Variants in CSRNP2 observed in about 807,000 individuals in gnomAD.
CSRNP2 encodes cysteine/serine-rich nuclear protein 2.
CSRNP2 carries 11 observed loss-of-function variants against 36.6 expected under a neutral mutation model. The ratio of observed to expected loss-of-function variants is 0.30; its 90% CI spans 0.19 to 0.50. The LOEUF is 0.50. CSRNP2 is among the 20% of genes least tolerant of loss of function. The pLI is 0.98. For synonymous variants in CSRNP2, 248 were observed against 275.3 expected, an observed-to-expected ratio of 0.90 and a Z score of 0.98; for missense variants, 483 against 691.4, an observed-to-expected ratio of 0.70 and a Z score of 3.38.
At chr12:51,065,795 G>T (rs955771883) in intron 4 of CSRNP2, among the ~76,000 whole-genome samples, 7 of 152,158 alleles carry the variant, frequency 4.6e-5, no homozygotes, top group African/African-American at 1.4e-4. Flanking sequence ...TCAGGTGTGT[G>T]TGTAACAGAA....
intron 3 of CSRNP2, among the ~76,000 whole-genome samples, chr12:51,069,153 T>G (rs1938761745): frequency 6.6e-6 from 1 of 151,876 alleles, no homozygotes; most frequent in Non-Finnish European, 1.5e-5. Context: ...CTTTTTGTAT[T>G]TTTAGTAGAC....
At chr12:51,069,280 CTCCTT>C (rs1384364102) in intron 3 of CSRNP2, among the ~76,000 whole-genome samples, 11 of 146,634 alleles carry the variant, frequency 7.5e-5, no homozygotes, top group Admixed American at 2.1e-4. Flanking sequence ...CGGCTTCCTT[CTCCTT>C]TCTTTTTTTT....
rs1937894873 is a variant in CSRNP2 at position 51,064,439 on chromosome 12, G to T, written c.939C>A (p.Phe313Leu). The change falls in exon 5 of 5, where the codon TTC (phenylalanine) becomes TTA (leucine). Residue 313 changes from phenylalanine to leucine, a missense_variant. Physicochemically the swap from Phe to Leu is conservative, Grantham distance 22. Coordinates refer to ENST00000228515, the MANE Select transcript of CSRNP2 (RefSeq NM_030809.3). ...TGAQGSETQD[F>L]QEFIAENETA... The stretch of plus-strand genomic sequence containing the variant: ...TCTCATTCTCAGCAATGAACTCCTG[G>T]AAGTCCTGGGTCTCAGAGCCCTGTG... 6.2e-7 allele frequency: 1 copy of T among 1,611,184 alleles called. No individual in the cohort carries two copies. The highest frequency in any genetic ancestry group is 8.5e-7 in the Non-Finnish European group (1 of 1,178,172).
chr12:51,068,312 G>T (rs1326936559), intron 3 of CSRNP2, among the ~76,000 whole-genome samples: 1 of 152,044 alleles, frequency 6.6e-6, no homozygotes, highest in Non-Finnish European at 1.5e-5. Context: ...TCACCAGCCT[G>T]GCTAATTTTT....
At chr12:51,081,940 GTC>G (rs1408878126) in intron 1 of CSRNP2, among the ~76,000 whole-genome samples, 1 of 152,108 alleles carries the variant, frequency 6.6e-6, no homozygotes, top group Admixed American at 6.5e-5. Context: ...GGTAATATAA[GTC>G]TCTTTCTTAA....
intron 2 of CSRNP2, among the ~76,000 whole-genome samples, chr12:51,075,759 G>C (rs1939371404): frequency 6.6e-6 from 1 of 152,150 alleles, no homozygotes. Flanking sequence ...TAAGAATTAA[G>C]AAAGCTTGGC....
In CSRNP2 at chr12:51,063,809, G is replaced by C; in HGVS notation, c.1569C>G (p.Thr523=). The change falls in exon 5 of 5, where the codon ACC becomes ACG. Residue 523 remains threonine, a synonymous_variant. Coordinates refer to ENST00000228515, the MANE Select transcript of CSRNP2 (RefSeq NM_030809.3). ...GGGGCCGATCCTCATTCTGCTGGGA[G>C]GTCTTCACCATCCCACAGCCCTCTT... The part of the protein sequence containing the change: ...DNEEGCGMVK[T]SQQNEDRPPE... 6.2e-7 allele frequency: 1 copy of C among 1,608,844 alleles called. No homozygotes were observed. The highest frequency in any genetic ancestry group is 8.5e-7 in the Non-Finnish European group (1 of 1,177,376).
At chr12:51,069,719 G>A (rs1938884177) in intron 3 of CSRNP2, among the ~76,000 whole-genome samples, 1 of 140,598 alleles carries the variant, frequency 7.1e-6, no homozygotes, top group Non-Finnish European at 1.5e-5. Flanking sequence ...TTGAGACTGA[G>A]TCTCACTCTG....
In CSRNP2 at chr12:51,061,851, ATTC is replaced by A. The variant is rs1366203899; in HGVS notation, c.*1892_*1894del. On this transcript the variant is annotated 3_prime_UTR_variant, in exon 5 of 5. Transcript: ENST00000228515. ...CCTTCCGACACAAACTTTGAAAAAG[ATTC>A]TTTTCTCCATAAAGCCAAATTCCCA... 1 of 152,184 alleles carries A rather than the reference ATTC, an allele frequency of 6.6e-6. No homozygotes were observed. The highest frequency in any genetic ancestry group is 1.5e-5 in the Non-Finnish European group (1 of 68,046). 9.4% of individuals were successfully genotyped at this position (152,184 alleles called of 1,614,324 possible).
intron 2 of CSRNP2, among the ~76,000 whole-genome samples, chr12:51,074,804 T>G (rs1939326188): frequency 6.6e-6 from 1 of 152,078 alleles, no homozygotes; most frequent in Non-Finnish European, 1.5e-5. Context: ...TGGTGGCTCA[T>G]GCCTGTAATC....
At chr12:51,064,696 A>G in intron 4 of CSRNP2, 27 bp from the exon 5 acceptor site, 2 of 1,496,058 alleles carry the variant, frequency 1.3e-6, no homozygotes, top group Non-Finnish European at 1.8e-6. Context: ...AGGTTGGGGC[A>G]AGATGAGACC....
chr12:51,075,910 C>T (rs1039255547), intron 2 of CSRNP2, among the ~76,000 whole-genome samples: 1 of 152,070 alleles, frequency 6.6e-6, no homozygotes, highest in Non-Finnish European at 1.5e-5. Flanking sequence ...ATTAGGCGGG[C>T]GTGGTGGCAG....
In CSRNP2 at chr12:51,076,632, C is replaced by T. The variant is rs550930430; in HGVS notation, c.-71G>A. On this transcript the variant is annotated 5_prime_UTR_variant, in exon 2 of 5. Transcript: ENST00000228515. ...AAGCCCCTACTCACCACCAGCTAGC[C>T]AGGTACATTAGGATTCTGCCCAGGG... The T allele has an allele frequency of 4.5e-6, 7 of 1,569,416 alleles. No individual in the cohort carries two copies. Among genetic ancestry groups the T allele is most frequent in the South Asian group, 1.1e-5 (1 of 89,206 alleles).
rs12317980 is a variant in CSRNP2, at chr12:51,063,719, G to A, written c.*27C>T. 2,131 of 1,481,882 alleles carry A rather than the reference G, an allele frequency of 1.4e-3. 19 individuals are homozygous for A. In the African/African-American group the frequency reaches 0.026, roughly 18 times the overall value. The allele number at this position is 1,481,882 out of a possible 1,614,324, so 91.8% of individuals were successfully genotyped here. On this transcript the variant is annotated 3_prime_UTR_variant, in exon 5 of 5. Transcript: ENST00000228515. ...AAAATAAGGGAATAAATAGAGAATG[G>A]GTAAGAGGCAGGACCTCTAGCGCCT...
chr12:51,070,457 C>CT (rs1159863756), intron 3 of CSRNP2, among the ~76,000 whole-genome samples: 1 of 152,134 alleles, frequency 6.6e-6, no homozygotes, highest in Non-Finnish European at 1.5e-5. Flanking sequence ...AGCATACCCC[C>CT]TCCTGCTGTC....
Position 51,067,611 on chromosome 12 carries a change from A to G in CSRNP2, c.708+62T>C. ...GAATGGGCCTCCCATGTTCAGTGGC[A>G]CCCACACCTCACCCCGCTGACCCTG... On this transcript the variant is annotated intron_variant, in intron 4 of 4. Coordinates refer to ENST00000228515, the MANE Select transcript of CSRNP2 (RefSeq NM_030809.3). The surrounding 1 kb of genome is among the most constrained non-coding windows in gnomAD (Gnocchi z 4.1). 6.5e-7 allele frequency: 1 copy of G among 1,527,372 alleles called. No individual in the cohort carries two copies. The highest frequency in any genetic ancestry group is 8.9e-7 in the Non-Finnish European group (1 of 1,117,614). The allele number at this position is 1,527,372 out of a possible 1,614,324, so 94.6% of individuals were successfully genotyped here. A position where few individuals can be genotyped will look rare whatever the true frequency, so the allele number is the denominator to read the frequency against.
chr12:51,074,209 C>G (rs1939299214), intron 2 of CSRNP2, 127 bp from the exon 3 acceptor site: 2 of 1,101,976 alleles, frequency 1.8e-6, no homozygotes, highest in Admixed American at 2.9e-5. Flanking sequence ...CCTCCACCTC[C>G]CGGGTTCAAG....
At chr12:51,068,639 C>A (rs191291275) in intron 3 of CSRNP2, among the ~76,000 whole-genome samples, 39 of 152,226 alleles carry the variant, frequency 2.6e-4, no homozygotes, top group Admixed American at 7.2e-4. Flanking sequence ...CGTCTATTTC[C>A]AGACATGTAT....
intron 4 of CSRNP2, among the ~76,000 whole-genome samples, chr12:51,066,363 G>A (rs1239670517): frequency 6.7e-6 from 1 of 150,128 alleles, no homozygotes; most frequent in Non-Finnish European, 1.5e-5. Flanking sequence ...TGAGGCAGGA[G>A]AATTGCTTGA....
Sources: allele counts gnomAD v4.1 joint callset (sites outside exome capture counted in the v4.1 genomes callset), GRCh38; gene constraint gnomAD v4.1.1; non-coding constraint Gnocchi (gnomAD v3.1); transcripts MANE v1.5; gene names NCBI Gene and HGNC (gene_info 2026-07-23, HGNC 2026-07-21).